C10orf53: variants seen among roughly 807,000 people sequenced by gnomAD.
C10orf53 encodes the protein UPF0728 protein C10orf53.
A neutral mutation model predicts 9.4 loss-of-function variants in C10orf53; 8 were observed. That is an observed-to-expected ratio of 0.85 (90% CI 0.50 to 1.53). The LOEUF (loss-of-function observed/expected upper bound fraction) is 1.53, where lower values mean the gene tolerates loss of function less well. Ranked by LOEUF, C10orf53 falls within the 40% of genes most tolerant of loss-of-function variation. The pLI is 0.00. For missense variants in C10orf53, 117 were observed against 117.8 expected, an observed-to-expected ratio of 0.99 and a Z score of 0.03; for synonymous variants, 48 against 46.0, an observed-to-expected ratio of 1.04 and a Z score of -0.18.
At position 49,696,773 on chromosome 10, in the gene C10orf53, G is replaced by A. The variant is rs1336930646; in HGVS notation, c.*2171G>A. Among the ~76,000 whole-genome samples, 2 of 152,112 alleles carry A rather than the reference G, an allele frequency of 1.3e-5. No homozygotes were observed. Among genetic ancestry groups the A allele is most frequent in the Admixed American group, 6.5e-5 (1 of 15,274 alleles). ...GCAGTGGGATTGGGGGGTGTGGGGG[G>A]CAGGTGAGGTAGAGGGAGGAAGTTT... On this transcript the variant is annotated 3_prime_UTR_variant, in exon 3 of 3. Coordinates refer to ENST00000374111, the MANE Select transcript of C10orf53 (RefSeq NM_001042427.3).
At chr10:49,705,184 T>C (rs1287621176) in intron 2 of C10orf53, among the ~76,000 whole-genome samples, 1 of 152,174 alleles carries the variant, frequency 6.6e-6, no homozygotes, top group Non-Finnish European at 1.5e-5. Flanking sequence ...ATATATATAC[T>C]GTATGATTTA....
chr10:49,691,685 C>G (rs1191108133), intron 1 of C10orf53, among the ~76,000 whole-genome samples: 2 of 152,196 alleles, frequency 1.3e-5, no homozygotes, highest in South Asian at 2.1e-4. Context: ...TACACCATGC[C>G]GTATAAGTGC....
At chr10:49,690,188 AT>A (rs1173578359) in intron 1 of C10orf53, among the ~76,000 whole-genome samples, 1 of 152,212 alleles carries the variant, frequency 6.6e-6, no homozygotes, top group East Asian at 1.9e-4. Context: ...GAGCATTTTT[AT>A]GGCTGAAGGA....
intron 2 of C10orf53, among the ~76,000 whole-genome samples, chr10:49,702,955 A>G (rs559883776): frequency 8.1e-4 from 123 of 152,254 alleles, no homozygotes; most frequent in African/African-American, 2.8e-3. Context: ...GGAAGGGACA[A>G]AAAGAGGGGT....
At chr10:49,689,293 A>G (rs375809530) in intron 1 of C10orf53, among the ~76,000 whole-genome samples, 23 of 152,290 alleles carry the variant, frequency 1.5e-4, no homozygotes, top group East Asian at 9.7e-4. Context: ...AAGCGATGGC[A>G]TTTCAGGAAG....
chr10:49,700,196 C>T (rs1421891288), downstream of C10orf53, among the ~76,000 whole-genome samples: 1 of 152,226 alleles, frequency 6.6e-6, no homozygotes, highest in African/African-American at 2.4e-5. Flanking sequence ...CCCTCGTCAG[C>T]GGACTCCAGG....
chr10:49,705,033 G>T (rs1045338132), intron 2 of C10orf53, among the ~76,000 whole-genome samples: 2 of 152,174 alleles, frequency 1.3e-5, no homozygotes, highest in African/African-American at 4.8e-5. Context: ...ACTAACAAGG[G>T]CCTGGTTAAA....
At chr10:49,691,990 T>C (rs1400278203) in intron 1 of C10orf53, among the ~76,000 whole-genome samples, 2 of 152,220 alleles carry the variant, frequency 1.3e-5, no homozygotes, top group Non-Finnish European at 2.9e-5. Flanking sequence ...TTGAAGTCCA[T>C]CCTCCAGGAG....
chr10:49,710,164 G>A (rs538999048), exon 3 of C10orf53: 310 of 152,276 alleles, frequency 2.0e-3, no homozygotes, highest in Non-Finnish European at 3.6e-3. Flanking sequence ...ACAAAGGATG[G>A]CAATCAATGC....
chr10:49,703,357 G>A (rs148188350), intron 2 of C10orf53, among the ~76,000 whole-genome samples: 51 of 152,188 alleles, frequency 3.4e-4, no homozygotes, highest in African/African-American at 1.2e-3. Flanking sequence ...ATCAACACAC[G>A]CCATGGGCCT....
chr10:49,699,894 TC>T (rs56948641), downstream of C10orf53, among the ~76,000 whole-genome samples: 339 of 151,406 alleles, frequency 2.2e-3, 1 homozygote, highest in Non-Finnish European at 4.0e-3. Context: ...GCAGAGCTCA[TC>T]CCCCCCGAGA....
At position 49,696,413 on chromosome 10, in the gene C10orf53, G is replaced by C. The variant is rs1196954748; in HGVS notation, c.*1811G>C. Among the ~76,000 whole-genome samples, 1 of 152,168 alleles carries C rather than the reference G, an allele frequency of 6.6e-6. No individual in the cohort carries two copies. The highest frequency in any genetic ancestry group is 2.4e-5 in the African/African-American group (1 of 41,446). Reference sequence around the variant, plus strand: ...AGTGGGAACTTCATCTCCAAACACAGTGGAATCCTGTCTCCTCTAGCCCTG... The same window carrying C: ...AGTGGGAACTTCATCTCCAAACACACTGGAATCCTGTCTCCTCTAGCCCTG... On this transcript the variant is annotated 3_prime_UTR_variant, in exon 3 of 3. Coordinates refer to ENST00000374111, the MANE Select transcript of C10orf53 (RefSeq NM_001042427.3).
rs1840630520 is a variant in C10orf53 at position 49,695,929 on chromosome 10, A to G, written c.*1327A>G. On this transcript the variant is annotated 3_prime_UTR_variant, in exon 3 of 3. Coordinates refer to ENST00000374111, the MANE Select transcript of C10orf53 (RefSeq NM_001042427.3). ...CAAAACCCAGTTTAAGTTACTATAG[A>G]TGTAGCATTCAATCTTTGTTTCAAT... 1 of 152,184 alleles carries G rather than the reference A, an allele frequency of 6.6e-6. No homozygotes were observed. 9.4% of individuals were successfully genotyped at this position (152,184 alleles called of 1,614,324 possible). A position where few individuals can be genotyped will look rare whatever the true frequency, so the allele number is the denominator to read the frequency against.
chr10:49,690,121 G>A lies in C10orf53; in HGVS notation c.98-3653G>A, dbSNP rs533518282. On this transcript the variant is annotated intron_variant, in intron 1 of 2. Transcript: ENST00000374111. ...ACAGCAAAAAGCGAAGGCAGCAGGC[G>A]CAGGTGGCTCTTCCCACAATAGGGG... 3.3e-5 allele frequency among the ~76,000 whole-genome samples: 5 copies of A among 152,248 alleles called. No individual in the cohort carries two copies. The East Asian group carries it at 7.7e-4, about 24-fold the overall frequency.
rs1251142819 is a variant in C10orf53, at chr10:49,696,955, T to C, written c.*2353T>C. On this transcript the variant is annotated 3_prime_UTR_variant, in exon 3 of 3. Transcript: ENST00000374111. ...GCCTGTAATCCCAGCACTTTGGGAA[T>C]CCAAGGTGGGTGGATTTGTTTGAAC... Among the ~76,000 whole-genome samples, 2 of 152,192 alleles carry C rather than the reference T, an allele frequency of 1.3e-5. No homozygotes were observed. Among genetic ancestry groups the C allele is most frequent in the Non-Finnish European group, 2.9e-5 (2 of 68,034 alleles).
Position 49,679,778 on chromosome 10 carries a change from C to A in C10orf53, c.81C>A (p.Arg27=), listed in dbSNP as rs1840461650. ...AGLPVEHHTF[R]LQGLQAVLAI... ...TACCGGTGGAGCACCACACCTTCCGCCTGCAGGGCCTGCAAGGTGGGCCTC... is the reference window on the plus strand; with the variant it reads ...TACCGGTGGAGCACCACACCTTCCGACTGCAGGGCCTGCAAGGTGGGCCTC... The change falls in exon 1 of 3, where the codon CGC becomes CGA. Residue 27 remains arginine (R), a synonymous_variant. Coordinates refer to ENST00000374111, the MANE Select transcript of C10orf53 (RefSeq NM_001042427.3). The A allele has an allele frequency of 1.3e-6, 2 of 1,541,216 alleles. No homozygotes were observed. The highest frequency in any genetic ancestry group is 1.7e-6 in the Non-Finnish European group (2 of 1,143,788).
chr10:49,692,299 G>C (rs373237310), intron 1 of C10orf53, among the ~76,000 whole-genome samples: 1 of 152,228 alleles, frequency 6.6e-6, no homozygotes, highest in African/African-American at 2.4e-5. Flanking sequence ...GGCCGCCTAT[G>C]GGTACCCAGG....
downstream of C10orf53, among the ~76,000 whole-genome samples, chr10:49,701,189 G>A (rs974897707): frequency 6.6e-6 from 1 of 152,120 alleles, no homozygotes; most frequent in Non-Finnish European, 1.5e-5. Flanking sequence ...TGAGAGAGAG[G>A]AGGGGAGTTG....
downstream of C10orf53, among the ~76,000 whole-genome samples, chr10:49,698,242 A>G (rs541880640): frequency 2.3e-4 from 35 of 152,306 alleles, no homozygotes; most frequent in South Asian, 5.2e-3. Flanking sequence ...GTGAGCTACA[A>G]TCACACCACT....
Sources: allele counts gnomAD v4.1 joint callset (sites outside exome capture counted in the v4.1 genomes callset), GRCh38; gene constraint gnomAD v4.1.1; transcripts MANE v1.5; gene names NCBI Gene and HGNC (gene_info 2026-07-23, HGNC 2026-07-21).